The following CTNNA3 variants were observed in gnomAD, a reference collection of about 807,000 sequenced individuals.
The protein encoded by CTNNA3 is catenin alpha-3.
In CTNNA3, 76 loss-of-function variants were observed where a neutral mutation model predicts 95.7. The ratio of observed to expected loss-of-function variants is 0.79; its 90% CI spans 0.66 to 0.96. CTNNA3 has a LOEUF of 0.96. Among genes scored for constraint, CTNNA3 ranks in the 40% least tolerant of loss-of-function variants. The pLI is 0.00. For synonymous variants in CTNNA3, 431 were observed against 374.4 expected (o/e 1.15, Z -1.74); for missense variants, 1,191 against 1,089.8 (o/e 1.09, Z -1.31).
intron 14 of CTNNA3, among the ~76,000 whole-genome samples, chr10:66,079,637 G>A (rs2080670885): frequency 6.6e-6 from 1 of 151,374 alleles, no homozygotes; most frequent in Non-Finnish European, 1.5e-5. Context: ...AACAATTTGA[G>A]GAATATTGTA....
At chr10:67,189,139 C>CAAAA (rs556316828) in intron 6 of CTNNA3, among the ~76,000 whole-genome samples, 2 of 121,960 alleles carry the variant, frequency 1.6e-5, no homozygotes, top group African/African-American at 9.5e-5. Flanking sequence ...ACAACAACAA[C>CAAAA]AACAAAAAAA....
At chr10:67,246,661 G>T (rs1440415848) in intron 5 of CTNNA3, among the ~76,000 whole-genome samples, 1 of 152,140 alleles carries the variant, frequency 6.6e-6, no homozygotes, top group Non-Finnish European at 1.5e-5. Flanking sequence ...CTGATTCAGA[G>T]TTACTACAGT....
rs3056794 is a variant in CTNNA3, at chr10:67,208,378, C to CAAAAAAAAAAAAAAA, written c.843+11214_843+11228dup. Among the ~76,000 whole-genome samples the CAAAAAAAAAAAAAAA allele has an allele frequency of 2.9e-4, 27 of 93,154 alleles. 1 individual carries two copies. The East Asian group carries it at 6.2e-3, about 21-fold the overall frequency. 61.1% of individuals were successfully genotyped at this position (93,154 alleles called of 152,430 possible). A position where few individuals can be genotyped will look rare whatever the true frequency, so the allele number is the denominator to read the frequency against. The stretch of plus-strand genomic sequence containing the variant: ...TGGGTGACAGAGCAAGACTCTGTCT[C>CAAAAAAAAAAAAAAA]AAAAAAAAAAAAAAAAATAGCCACA... On this transcript the variant is annotated intron_variant, in intron 6 of 17. Coordinates refer to ENST00000433211, the MANE Select transcript of CTNNA3 (RefSeq NM_013266.4).
chr10:66,749,202 CAAAAAAAAAAAAAA>C (rs35568730), intron 9 of CTNNA3, among the ~76,000 whole-genome samples: 1,437 of 50,982 alleles, frequency 0.028, 51 homozygotes, highest in African/African-American at 0.11. Flanking sequence ...AACTCCAACT[CAAAAAAAAAAAAAA>C]AAAAAAAAAA....
chr10:66,199,683 C>A (rs972621979), intron 13 of CTNNA3, among the ~76,000 whole-genome samples: 3 of 145,014 alleles, frequency 2.1e-5, no homozygotes, highest in Admixed American at 7.0e-5. Context: ...CTCACTGCAA[C>A]CTTCGCCTCC....
chr10:66,303,807 A>G (rs908026932), intron 12 of CTNNA3, among the ~76,000 whole-genome samples: 1 of 151,984 alleles, frequency 6.6e-6, no homozygotes, highest in Non-Finnish European at 1.5e-5. Flanking sequence ...GTTAGCCAGG[A>G]TGGTCTTGAT....
At chr10:66,557,636 G>A (rs1042487305) in intron 10 of CTNNA3, among the ~76,000 whole-genome samples, 1 of 152,068 alleles carries the variant, frequency 6.6e-6, no homozygotes, top group Non-Finnish European at 1.5e-5. Context: ...TCTAAGTGAA[G>A]TAACAGACAG....
intron 17 of CTNNA3, among the ~76,000 whole-genome samples, chr10:65,963,744 A>G (rs1192970664): frequency 6.6e-6 from 1 of 152,224 alleles, no homozygotes; most frequent in African/African-American, 2.4e-5. Flanking sequence ...TGAATGAACT[A>G]CATATATTTT....
chr10:67,555,860 T>C (rs1430887218), intron 3 of CTNNA3, among the ~76,000 whole-genome samples: 1 of 152,230 alleles, frequency 6.6e-6, no homozygotes, highest in African/African-American at 2.4e-5. Context: ...CTTCCAGTTT[T>C]TGCCCATTCA....
intron 13 of CTNNA3, among the ~76,000 whole-genome samples, chr10:66,112,368 T>C (rs1038200304): frequency 6.6e-6 from 1 of 152,174 alleles, no homozygotes; most frequent in Non-Finnish European, 1.5e-5. Flanking sequence ...AATTGGTGAC[T>C]TTTCTTCTTA....
chr10:66,143,047 A>G (rs2083697144), intron 13 of CTNNA3, among the ~76,000 whole-genome samples: 1 of 152,088 alleles, frequency 6.6e-6, no homozygotes, highest in South Asian at 2.1e-4. Context: ...ACAATACTTT[A>G]TGTATTTTAT....
chr10:67,184,038 A>C (rs1862714765), intron 6 of CTNNA3, among the ~76,000 whole-genome samples: 1 of 152,292 alleles, frequency 6.6e-6, no homozygotes, highest in South Asian at 2.1e-4. Flanking sequence ...AATCTTGCAA[A>C]ATTGCCCTTG....
intron 10 of CTNNA3, among the ~76,000 whole-genome samples, chr10:66,613,847 C>A (rs547672115): frequency 1.3e-5 from 2 of 152,004 alleles, no homozygotes; most frequent in African/African-American, 4.8e-5. Context: ...GGTCATTTTA[C>A]ATTGAATATT....
At chr10:66,695,180 T>C (rs1370500843) in intron 9 of CTNNA3, among the ~76,000 whole-genome samples, 2 of 152,170 alleles carry the variant, frequency 1.3e-5, no homozygotes, top group Non-Finnish European at 2.9e-5. Flanking sequence ...TTAAATAGAT[T>C]GCTATGTAAA....
chr10:65,948,006 G>A lies in CTNNA3; in HGVS notation c.2400+18606C>T, dbSNP rs771324050. On this transcript the variant is annotated intron_variant, in intron 17 of 17. Coordinates refer to ENST00000433211, the MANE Select transcript of CTNNA3 (RefSeq NM_013266.4). The stretch of plus-strand genomic sequence containing the variant: ...AAATACCATGTGCGCGGCCAGGCGC[G>A]GTGGCTTACGCCTGTAATCCCAGCA... Among the ~76,000 whole-genome samples the A allele has an allele frequency of 1.1e-4, 17 of 152,280 alleles. No individual in the cohort carries two copies. In the East Asian group the frequency reaches 2.3e-3, roughly 21 times the overall value.
chr10:67,460,142 TATAC>T (rs1847321175), intron 5 of CTNNA3, among the ~76,000 whole-genome samples: 1 of 152,144 alleles, frequency 6.6e-6, no homozygotes, highest in South Asian at 2.1e-4. Flanking sequence ...CATAGGTTTA[TATAC>T]TTAACACTGT....
At chr10:67,702,767 A>T (rs1210698289) in intron 1 of CTNNA3, among the ~76,000 whole-genome samples, 1 of 152,228 alleles carries the variant, frequency 6.6e-6, no homozygotes, top group African/African-American at 2.4e-5. Context: ...GGCAAGAAAT[A>T]ACTAAGATCA....
intron 7 of CTNNA3, among the ~76,000 whole-genome samples, chr10:66,998,754 T>G (rs1851511327): frequency 6.6e-6 from 1 of 152,100 alleles, no homozygotes; most frequent in Non-Finnish European, 1.5e-5. Context: ...AGATCAACAA[T>G]AATGGGAGAT....
At chr10:66,361,800 A>G (rs184479742) in intron 12 of CTNNA3, among the ~76,000 whole-genome samples, 96 of 152,082 alleles carry the variant, frequency 6.3e-4, no homozygotes, top group African/African-American at 2.3e-3. Context: ...AGCCCCCCAA[A>G]GTGCTGGAAT....
Sources: gnomAD v4.1 joint callset for allele counts (sites outside exome capture counted in the v4.1 genomes callset) on GRCh38, gnomAD v4.1.1 for gene constraint, MANE v1.5 for transcripts, NCBI Gene and HGNC (gene_info 2026-07-23, HGNC 2026-07-21) for gene names.